Variants in CUBN observed in about 807,000 individuals in gnomAD.
CUBN encodes 460 kDa receptor.
In CUBN, 282 loss-of-function variants were observed where a neutral mutation model predicts 405.3. The observed-to-expected ratio is 0.70, with a 90% CI of 0.63 to 0.77. The LOEUF is 0.77. Among genes scored for constraint, CUBN ranks in the 30% least tolerant of loss-of-function variants. The probability of loss-of-function intolerance (pLI) is 0.00; values close to 1 mark genes in which losing one functional copy is unlikely to be tolerated. For missense variants in CUBN, 4,514 were observed against 4,475.2 expected, an observed-to-expected ratio of 1.01 and a Z score of -0.25; for synonymous variants, 1,684 against 1,617.0, an observed-to-expected ratio of 1.04 and a Z score of -0.99.
chr10:17,063,904 G>A (rs1206554851), intron 22 of CUBN, among the ~76,000 whole-genome samples: 2 of 152,158 alleles, frequency 1.3e-5, no homozygotes, highest in Non-Finnish European at 2.9e-5. Flanking sequence ...GAAAACTGTG[G>A]CCTAGAGAGT....
rs1241747201 is a variant in CUBN, at chr10:16,997,681, G to T, written c.4169-7166C>A. 2.6e-5 allele frequency among the ~76,000 whole-genome samples: 4 copies of T among 152,212 alleles called. No homozygotes were observed. In the East Asian group the frequency reaches 7.7e-4, roughly 29 times the overall value. ...TTTTGAACAGAAACTTTCAGGTCAG[G>T]GAGGGTGGGGAAGTGGACAGGAATA... On this transcript the variant is annotated intron_variant, in intron 28 of 66. Transcript: ENST00000377833.
intron 24 of CUBN, 58 bp from the exon 25 acceptor site, chr10:17,045,246 T>C: frequency 6.5e-7 from 1 of 1,543,856 alleles, no homozygotes. Flanking sequence ...AAATTGAATC[T>C]TTTTGTCTGC....
chr10:16,858,893 C>T (rs1436895388), intron 59 of CUBN, among the ~76,000 whole-genome samples: 1 of 152,182 alleles, frequency 6.6e-6, no homozygotes, highest in African/African-American at 2.4e-5. Flanking sequence ...CCTTTTCAAC[C>T]AATGGTGCTA....
rs202037114 is a variant in CUBN at position 16,961,704 on chromosome 10, C to T, written c.4696-7156G>A. Among the ~76,000 whole-genome samples, 4 of 74,048 alleles carry T rather than the reference C, an allele frequency of 5.4e-5. No homozygotes were observed. The East Asian group carries it at 1.1e-3, about 21-fold the overall frequency. The allele number at this position is 74,048 out of a possible 152,430, so 48.6% of individuals were successfully genotyped here. A position where few individuals can be genotyped will look rare whatever the true frequency, so the allele number is the denominator to read the frequency against. ...TTCCTTTTAGAGGGAAAAGCAATCC[C>T]TTTTTTTTTTTTTTTTTTTTTTTTT... On this transcript the variant is annotated intron_variant, in intron 31 of 66. Transcript: ENST00000377833.
intron 31 of CUBN, among the ~76,000 whole-genome samples, chr10:16,966,460 T>TC (rs1314663904): frequency 6.6e-6 from 1 of 151,932 alleles, no homozygotes; most frequent in Non-Finnish European, 1.5e-5. Flanking sequence ...TACATTTTTT[T>TC]TTTTCTGAGA....
chr10:17,122,379 G>T, intron 6 of CUBN: 1 of 301,288 alleles, frequency 3.3e-6, no homozygotes, highest in East Asian at 9.4e-5. Context: ...CCAAAACTAT[G>T]AGCTTGCTAA....
intron 29 of CUBN, among the ~76,000 whole-genome samples, chr10:16,988,634 C>A (rs1833495169): frequency 6.6e-6 from 1 of 152,140 alleles, no homozygotes; most frequent in Non-Finnish European, 1.5e-5. Flanking sequence ...TTCCTAGTGA[C>A]TCTCACTGAG....
chr10:16,925,184 AAAG>A, intron 43 of CUBN, 54 bp downstream of exon 43: 1 of 1,460,090 alleles, frequency 6.8e-7, no homozygotes. Context: ...ATTTTATATC[AAAG>A]AAGATCAAGC....
intron 31 of CUBN, among the ~76,000 whole-genome samples, chr10:16,969,635 G>T (rs944598216): frequency 6.6e-6 from 1 of 152,178 alleles, no homozygotes; most frequent in Non-Finnish European, 1.5e-5. Context: ...TTACAGGCGT[G>T]AGCCACTGAG....
Position 16,840,474 on chromosome 10 carries a change from T to C in CUBN, c.9888A>G (p.Ser3296=). The change falls in exon 62 of 67, where the codon TCA becomes TCG. Residue 3296 remains serine, a synonymous_variant. Transcript: ENST00000377833. ...WTPQNISSPN[S]SDPDVPFSIC... is the part of the protein sequence containing the mutation. Reference sequence around the variant, plus strand: ...TGGAAAATGGGACATCTGGGTCTGATGAATTGGGTGATGAAATATTTTGTG... The same window carrying C: ...TGGAAAATGGGACATCTGGGTCTGACGAATTGGGTGATGAAATATTTTGTG... 1.2e-6 allele frequency: 2 copies of C among 1,613,716 alleles called. No homozygotes were observed. The highest frequency in any genetic ancestry group is 1.7e-6 in the Non-Finnish European group (2 of 1,179,818).
At chr10:16,897,102 T>C (rs963022821) in intron 54 of CUBN, among the ~76,000 whole-genome samples, 2 of 152,250 alleles carry the variant, frequency 1.3e-5, no homozygotes, top group African/African-American at 4.8e-5. Context: ...TAATGGAAAC[T>C]ACTTCAACAT....
chr10:17,080,592 G>A (rs1835946412), intron 17 of CUBN, among the ~76,000 whole-genome samples: 1 of 152,184 alleles, frequency 6.6e-6, no homozygotes, highest in Non-Finnish European at 1.5e-5. Context: ...AGAGGAGGCA[G>A]ATACTTTGGG....
intron 24 of CUBN, 78 bp downstream of exon 24, chr10:17,045,856 G>A: frequency 7.0e-7 from 1 of 1,433,656 alleles, no homozygotes; most frequent in East Asian, 2.3e-5. Context: ...ACAAGTGAGG[G>A]ACAGAGCATG....
chr10:17,090,368 T>C (rs1337515087), intron 14 of CUBN, among the ~76,000 whole-genome samples: 1 of 152,058 alleles, frequency 6.6e-6, no homozygotes, highest in East Asian at 1.9e-4. Flanking sequence ...ATAAAAACTG[T>C]TCTCTAATGG....
Position 16,919,982 on chromosome 10 carries a change from C to T in CUBN, c.6802G>A (p.Asp2268Asn), listed in dbSNP as rs758830155. Reference sequence around the variant, plus strand: ...ACATACTTGGGTGTTACTTCAATATCGAATCGATCTTCAAATTGCAGCTGT... The same window carrying T: ...ACATACTTGGGTGTTACTTCAATATTGAATCGATCTTCAAATTGCAGCTGT... ...RIQLQFEDRF[D>N]IEVTPNCTSN... The change falls in exon 44 of 67, where the codon GAT (aspartate) becomes AAT (asparagine). Residue 2268 changes from aspartate (D) to asparagine (N), a missense_variant. By Grantham distance (23) the Asp-to-Asn change is conservative. Around this residue, in one of 5 missense-constraint regions of CUBN, gnomAD observed 1,613 missense variants for 1,542.8 expected, o/e 1.05. Coordinates refer to ENST00000377833, the MANE Select transcript of CUBN (RefSeq NM_001081.4). 13 of 1,613,080 alleles carry T rather than the reference C, an allele frequency of 8.1e-6. 1 individual carries two copies. Among genetic ancestry groups the T allele is most frequent in the Middle Eastern group, 1.8e-4 (1 of 5,560 alleles).
chr10:17,104,397 G>T, intron 12 of CUBN, 22 bp downstream of exon 12: 1 of 1,612,052 alleles, frequency 6.2e-7, no homozygotes, highest in Non-Finnish European at 8.5e-7. Context: ...AGCATCCGTG[G>T]CATAAGAAAT....
At chr10:16,888,594 G>T in intron 55 of CUBN, 28 bp from the exon 56 acceptor site, 1 of 1,604,778 alleles carries the variant, frequency 6.2e-7, no homozygotes, top group South Asian at 1.1e-5. Flanking sequence ...GTCATCATCA[G>T]ATCATTTATT....
At position 16,940,130 on chromosome 10, in the gene CUBN, G is replaced by T. The variant is rs1564436068; in HGVS notation, c.5450C>A (p.Pro1817His). Residue 1817 changes from proline (P) to histidine (H), a missense_variant, in exon 37 of 67, where the codon CCT (proline) becomes CAT (histidine). Physicochemically the swap from Pro to His is moderately conservative, Grantham distance 77. This residue lies in a region of CUBN where 1,613 missense variants were observed against 1,542.8 expected (regional missense o/e 1.05). Transcript: ENST00000377833. ...LVGRYCGNSF[P>H]LNYSSIVGHT... ...TCCAACGATGGAAGAATAATTGAGA[G>T]GGAAGGAGTTTCCACAGTATCGTCC... 2 of 1,613,954 alleles carry T rather than the reference G, an allele frequency of 1.2e-6. No individual in the cohort carries two copies. Among genetic ancestry groups the T allele is most frequent in the Non-Finnish European group, 1.7e-6 (2 of 1,179,968 alleles).
chr10:16,888,175 T>C (rs1460197893), intron 56 of CUBN, among the ~76,000 whole-genome samples: 1 of 152,166 alleles, frequency 6.6e-6, no homozygotes, highest in African/African-American at 2.4e-5. Flanking sequence ...ATGGTGCCAA[T>C]AGCGAATAAC....
Sources: allele counts gnomAD v4.1 joint callset (sites outside exome capture counted in the v4.1 genomes callset), GRCh38; gene constraint gnomAD v4.1.1; regional missense constraint gnomAD v4.1.1; transcripts MANE v1.5; gene names NCBI Gene and HGNC (gene_info 2026-07-23, HGNC 2026-07-21).